The following LBH variants were observed in gnomAD, a reference collection of about 807,000 sequenced individuals.
LBH encodes the protein protein LBH.
Under a neutral mutation model 12.5 loss-of-function variants are expected in LBH, and 7 were observed. That is an observed-to-expected ratio of 0.56 (90% CI 0.32 to 1.05). LBH has a LOEUF of 1.05. Ranked by LOEUF, LBH falls within the 50% of genes least tolerant of loss-of-function variation. The probability of loss-of-function intolerance (pLI) is 0.04; values close to 1 mark genes in which losing one functional copy is unlikely to be tolerated. For synonymous variants in LBH, 51 were observed against 50.1 expected, an observed-to-expected ratio of 1.02 and a Z score of -0.08; for missense variants, 119 against 138.9, an observed-to-expected ratio of 0.86 and a Z score of 0.72.
At chr2:30,232,173 C>A in intron 1 of LBH, 2 of 1,541,334 alleles carry the variant, frequency 1.3e-6, no homozygotes, top group Non-Finnish European at 1.7e-6. Flanking sequence ...ATGCAAGTCT[C>A]AACGTCGAGG....
chr2:30,256,279 C>G (rs1678083949), intron 2 of LBH, among the ~76,000 whole-genome samples: 1 of 152,150 alleles, frequency 6.6e-6, no homozygotes, highest in Admixed American at 6.6e-5. Flanking sequence ...AAAAACAAAG[C>G]CTGGCTGACG....
At chr2:30,242,308 A>G (rs1457105295) in intron 2 of LBH, among the ~76,000 whole-genome samples, 2 of 152,066 alleles carry the variant, frequency 1.3e-5, no homozygotes, top group African/African-American at 4.8e-5. Flanking sequence ...CAGTGGTGCA[A>G]TCTCGGCTCA....
At chr2:30,244,665 G>T (rs1367394882) in intron 2 of LBH, among the ~76,000 whole-genome samples, 3 of 152,122 alleles carry the variant, frequency 2.0e-5, no homozygotes, top group African/African-American at 7.2e-5. Flanking sequence ...ACTTTGAGAG[G>T]CTGAGGTGGG....
chr2:30,239,533 A>T (rs1204529368), intron 2 of LBH, among the ~76,000 whole-genome samples: 1 of 152,226 alleles, frequency 6.6e-6, no homozygotes, highest in African/African-American at 2.4e-5. Flanking sequence ...TGTCAGACTT[A>T]AAAGGCCTCA....
rs535132981 is a variant in LBH, at chr2:30,251,210, C to T, written c.130-6223C>T. Among the ~76,000 whole-genome samples, 22 of 151,876 alleles carry T rather than the reference C, an allele frequency of 1.4e-4. No homozygotes were observed. In the South Asian group the frequency reaches 2.7e-3, roughly 19 times the overall value. On this transcript the variant is annotated intron_variant, in intron 2 of 2. Transcript: ENST00000395323. ...GCTAGGATTACAGGCATGAGCCACC[C>T]GTGCCTGGCCAATTTTAGCCACCTT...
At position 30,232,140 on chromosome 2, in the gene LBH, C is replaced by T. The variant is rs1400687596; in HGVS notation, c.26+376C>T. ...GGGGGCTCCTGCTCTTCCCGGGCCC[C>T]TCCTCTTTTTCTTTTTGTTTGCATG... On this transcript the variant is annotated intron_variant, in intron 1 of 2. Coordinates refer to ENST00000395323, the MANE Select transcript of LBH (RefSeq NM_030915.4). 3.2e-6 allele frequency: 5 copies of T among 1,546,006 alleles called. No individual in the cohort carries two copies. The African/African-American group carries it at 6.9e-5, about 21-fold the overall frequency.
chr2:30,236,896 C>T (rs1677696857), intron 2 of LBH, among the ~76,000 whole-genome samples: 1 of 152,162 alleles, frequency 6.6e-6, no homozygotes, highest in Non-Finnish European at 1.5e-5. Flanking sequence ...AGGTAATGTT[C>T]TTGCACCTTC....
chr2:30,232,447 G>A (rs1558384279), intron 1 of LBH: 1 of 513,628 alleles, frequency 1.9e-6, no homozygotes, highest in Non-Finnish European at 3.3e-6. Context: ...GGTTTGCCCC[G>A]GACTGGGGAT....
intron 2 of LBH, among the ~76,000 whole-genome samples, chr2:30,244,821 G>A (rs371896175): frequency 1.3e-5 from 2 of 152,110 alleles, no homozygotes; most frequent in African/African-American, 2.4e-5. Context: ...TGGGAGGATC[G>A]CTTGAGCCCA....
At chr2:30,251,893 A>T (rs1409468753) in intron 2 of LBH, among the ~76,000 whole-genome samples, 7 of 152,120 alleles carry the variant, frequency 4.6e-5, no homozygotes, top group Admixed American at 4.6e-4. Context: ...TGTTTGGCCG[A>T]CCAACAGCAG....
chr2:30,242,378 A>C (rs2103558708), intron 2 of LBH, among the ~76,000 whole-genome samples: 1 of 151,994 alleles, frequency 6.6e-6, no homozygotes, highest in Non-Finnish European at 1.5e-5. Context: ...CAAGTAGCTG[A>C]GATTACAGGC....
chr2:30,232,349 G>A, intron 1 of LBH: 2 of 1,148,368 alleles, frequency 1.7e-6, no homozygotes, highest in East Asian at 2.9e-5. Context: ...CCTAAAAACC[G>A]ACGCACATTG....
chr2:30,249,319 G>T (rs1012903284), intron 2 of LBH, among the ~76,000 whole-genome samples: 3 of 152,234 alleles, frequency 2.0e-5, no homozygotes, highest in Non-Finnish European at 2.9e-5. Flanking sequence ...TTTTTTATTT[G>T]AATTAGCTGC....
At chr2:30,232,573 C>T in intron 1 of LBH, 1 of 191,712 alleles carries the variant, frequency 5.2e-6, no homozygotes. Context: ...CGAGCGCCGG[C>T]AGCCCCGGAG....
intron 2 of LBH, among the ~76,000 whole-genome samples, chr2:30,244,628 C>T (rs754597797): frequency 6.6e-6 from 1 of 151,972 alleles, no homozygotes; most frequent in African/African-American, 2.4e-5. Flanking sequence ...TAAGGCTGGA[C>T]GCGTGGCTCA....
At position 30,234,411 on chromosome 2, in the gene LBH, C is replaced by A. The variant is rs377630481; in HGVS notation, c.33C>A (p.Asp11Glu). The A allele has an allele frequency of 1.8e-5, 29 of 1,613,918 alleles. No homozygotes were observed. The African/African-American group carries it at 3.6e-4, about 20-fold the overall frequency. The stretch of plus-strand genomic sequence containing the variant: ...GGTCTGGGTTTCTTGGCAGCCCCGA[C>A]TATCTGAGATCGGCCAAGATGACTG... Reference protein sequence around the residue: MSIYFPIHCPDYLRSAKMTEV... With the variant: MSIYFPIHCPEYLRSAKMTEV... The change falls in exon 2 of 3, where the codon GAC (aspartate) becomes GAA (glutamate). Residue 11 changes from aspartate (D) to glutamate (E), a missense_variant. Physicochemically the swap from Asp to Glu is conservative, Grantham distance 45. Coordinates refer to ENST00000395323, the MANE Select transcript of LBH (RefSeq NM_030915.4).
chr2:30,250,646 G>A (rs1349207787), intron 2 of LBH, among the ~76,000 whole-genome samples: 5 of 151,930 alleles, frequency 3.3e-5, no homozygotes, highest in Non-Finnish European at 5.9e-5. Context: ...ACAGTTGATA[G>A]CCCGGTCCCT....
chr2:30,231,898 C>A, intron 1 of LBH, 134 bp downstream of exon 1: 1 of 696,370 alleles, frequency 1.4e-6, no homozygotes. Context: ...CCGCCCGAGC[C>A]CGTGCAGGAG....
chr2:30,239,786 C>G (rs1340783475), intron 2 of LBH, among the ~76,000 whole-genome samples: 1 of 152,220 alleles, frequency 6.6e-6, no homozygotes, highest in East Asian at 1.9e-4. Flanking sequence ...TCTGCACATT[C>G]TGCCTCTATG....
Sources: allele counts gnomAD v4.1 joint callset (sites outside exome capture counted in the v4.1 genomes callset), GRCh38; gene constraint gnomAD v4.1.1; transcripts MANE v1.5; gene names NCBI Gene and HGNC (gene_info 2026-07-23, HGNC 2026-07-21).